Variants in APBB2 observed in about 807,000 individuals in gnomAD.
APBB2 encodes Fe65-like 1.
In APBB2, 38 loss-of-function variants were observed where a neutral mutation model predicts 82.5. That is an observed-to-expected ratio of 0.46 (90% CI 0.36 to 0.60). The LOEUF (loss-of-function observed/expected upper bound fraction) is 0.60. Ranked by LOEUF, APBB2 falls within the 20% of genes least tolerant of loss-of-function variation. The pLI is 0.00. For synonymous variants in APBB2, 341 were observed against 368.2 expected, an observed-to-expected ratio of 0.93 and a Z score of 0.85; for missense variants, 772 against 972.3, an observed-to-expected ratio of 0.79 and a Z score of 2.74.
intron 4 of APBB2, among the ~76,000 whole-genome samples, chr4:41,063,387 A>T (rs1436121035): frequency 6.6e-6 from 1 of 152,252 alleles, no homozygotes; most frequent in Non-Finnish European, 1.5e-5. Context: ...CAGTATGCAG[A>T]TCCCTGTTAT....
chr4:40,961,792 T>C (rs1163690091), intron 6 of APBB2, among the ~76,000 whole-genome samples: 2 of 150,758 alleles, frequency 1.3e-5, no homozygotes, highest in African/African-American at 4.9e-5. Flanking sequence ...ATTCATTCAT[T>C]TTCCACCACC....
intron 4 of APBB2, among the ~76,000 whole-genome samples, chr4:41,058,766 C>A (rs1347042706): frequency 6.6e-6 from 1 of 152,112 alleles, no homozygotes; most frequent in East Asian, 1.9e-4. Context: ...TCTTAAAATT[C>A]TTTAATAGGA....
At chr4:41,017,819 C>G (rs1385850738) in intron 5 of APBB2, among the ~76,000 whole-genome samples, 2 of 152,042 alleles carry the variant, frequency 1.3e-5, no homozygotes, top group Non-Finnish European at 2.9e-5. Context: ...GAAGTTGGGT[C>G]TATGAGGATT....
At chr4:40,838,282 C>T (rs1383855388) in intron 12 of APBB2, among the ~76,000 whole-genome samples, 1 of 146,136 alleles carries the variant, frequency 6.8e-6, no homozygotes, top group Non-Finnish European at 1.5e-5. Flanking sequence ...CATGCCTTGG[C>T]TTCTTGAGTA....
At chr4:41,150,688 T>G (rs1433841915) in intron 1 of APBB2, among the ~76,000 whole-genome samples, 2 of 152,214 alleles carry the variant, frequency 1.3e-5, no homozygotes, top group Non-Finnish European at 2.9e-5. Context: ...CAGTAATATA[T>G]ATGCCTTATC....
intron 2 of APBB2, among the ~76,000 whole-genome samples, chr4:41,111,853 A>G (rs972943909): frequency 6.6e-6 from 1 of 152,252 alleles, no homozygotes; most frequent in Non-Finnish European, 1.5e-5. Flanking sequence ...AGTCGCCATT[A>G]CAAGTATTGT....
At chr4:40,838,587 G>A (rs933868861) in intron 12 of APBB2, among the ~76,000 whole-genome samples, 14 of 151,962 alleles carry the variant, frequency 9.2e-5, no homozygotes, top group African/African-American at 3.4e-4. Context: ...CGCCTGCCTC[G>A]GCCTCTCAAA....
intron 7 of APBB2, among the ~76,000 whole-genome samples, chr4:40,938,300 G>C (rs192712122): frequency 6.6e-6 from 1 of 152,298 alleles, no homozygotes; most frequent in Non-Finnish European, 1.5e-5. Flanking sequence ...GGAGAGCCTT[G>C]GAGCCTTAGC....
At chr4:40,879,418 C>CT (rs1311996971) in intron 12 of APBB2, among the ~76,000 whole-genome samples, 1 of 152,146 alleles carries the variant, frequency 6.6e-6, no homozygotes, top group Non-Finnish European at 1.5e-5. Flanking sequence ...GTTCACAGCT[C>CT]TGATACTTAA....
At position 40,814,688 on chromosome 4, in the gene APBB2, T is replaced by C. The variant is rs1321318556; in HGVS notation, c.*1404A>G. The stretch of plus-strand genomic sequence containing the variant: ...TAAGAAGAAGTAAACAAGACTAATA[T>C]TGAGATTGATCGCCTTAGCAACTTC... On this transcript the variant is annotated 3_prime_UTR_variant, in exon 18 of 18. Transcript: ENST00000508593. 6.6e-6 allele frequency: 1 copy of C among 152,208 alleles called. No homozygotes were observed. The highest frequency in any genetic ancestry group is 2.4e-5 in the African/African-American group (1 of 41,438). 9.4% of individuals were successfully genotyped at this position (152,208 alleles called of 1,614,324 possible). A position where few individuals can be genotyped will look rare whatever the true frequency, so the allele number is the denominator to read the frequency against.
chr4:41,144,856 T>C (rs1263864619), intron 1 of APBB2, among the ~76,000 whole-genome samples: 5 of 152,236 alleles, frequency 3.3e-5, no homozygotes, highest in Non-Finnish European at 5.9e-5. Flanking sequence ...TGGTGGCTTA[T>C]GGCCTGTAAT....
At position 40,813,257 on chromosome 4, in the gene APBB2, A is replaced by G. The variant is rs1352761044; in HGVS notation, c.*2835T>C. ...AGATAATATCCAGGAAAGATAATAC[A>G]TTAACACAATAATGCAGTATATTTC... On this transcript the variant is annotated 3_prime_UTR_variant, in exon 18 of 18. Transcript: ENST00000508593. 4 of 152,386 alleles carry G rather than the reference A, an allele frequency of 2.6e-5. No homozygotes were observed. Among genetic ancestry groups the G allele is most frequent in the Admixed American group, 6.5e-5 (1 of 15,292 alleles). 9.4% of individuals were successfully genotyped at this position (152,386 alleles called of 1,614,324 possible).
chr4:40,888,790 G>A (rs1181007257), intron 12 of APBB2, among the ~76,000 whole-genome samples: 3 of 151,314 alleles, frequency 2.0e-5, no homozygotes, highest in East Asian at 1.9e-4. Context: ...CCCCTGCCTC[G>A]CACACGTATG....
chr4:40,951,234 T>C (rs1001740922), intron 6 of APBB2, among the ~76,000 whole-genome samples: 4 of 81,110 alleles, frequency 4.9e-5, no homozygotes, highest in African/African-American at 1.3e-4. Flanking sequence ...TTTATAATTA[T>C]GTGTTAAGCT....
chr4:40,880,633 C>A, intron 12 of APBB2: 1 of 985,430 alleles, frequency 1.0e-6, no homozygotes, highest in South Asian at 4.7e-5. Flanking sequence ...AAGAAGATCA[C>A]GGCACTTTGA....
chr4:40,986,615 T>C (rs1800476313), intron 6 of APBB2, among the ~76,000 whole-genome samples: 2 of 152,152 alleles, frequency 1.3e-5, no homozygotes, highest in Non-Finnish European at 2.9e-5. Flanking sequence ...CTGAACTGCC[T>C]CCAGTTTGAA....
Position 41,033,559 on chromosome 4 carries a change from C to G in APBB2, c.-50-255G>C, listed in dbSNP as rs565277248. On this transcript the variant is annotated intron_variant, in intron 4 of 17. Coordinates refer to ENST00000508593, the MANE Select transcript of APBB2 (RefSeq NM_004307.2). The stretch of plus-strand genomic sequence containing the variant: ...TGGTAGGCCTTACCTACCTTTCTGT[C>G]TCAAGTTTCCAATGCTTTTTCTCAT... 7.4e-5 allele frequency among the ~76,000 whole-genome samples: 11 copies of G among 148,296 alleles called. 1 individual carries two copies. Among genetic ancestry groups the G allele is most frequent in the Admixed American group, 6.9e-4 (10 of 14,596 alleles).
At chr4:40,827,978 CT>C (rs564682919) in intron 13 of APBB2, among the ~76,000 whole-genome samples, 139 of 152,280 alleles carry the variant, frequency 9.1e-4, no homozygotes, top group Non-Finnish European at 1.1e-3. Flanking sequence ...CCCACAAGAG[CT>C]GATGGTTTGA....
intron 1 of APBB2, among the ~76,000 whole-genome samples, chr4:41,173,588 A>G (rs191196041): frequency 2.7e-4 from 41 of 152,356 alleles, no homozygotes; most frequent in African/African-American, 7.2e-4. Context: ...GGCTGCATAT[A>G]CAAGGTGGTC....
Sources: allele counts gnomAD v4.1 joint callset (sites outside exome capture counted in the v4.1 genomes callset), GRCh38; gene constraint gnomAD v4.1.1; transcripts MANE v1.5; gene names NCBI Gene and HGNC (gene_info 2026-07-23, HGNC 2026-07-21).